Variants in RGS6 observed in about 807,000 individuals in gnomAD.
RGS6 encodes the protein regulator of G protein signaling 6, also known as regulator of G-protein signaling 6.
RGS6 carries 30 observed loss-of-function variants against 78.5 expected under a neutral mutation model. The ratio of observed to expected loss-of-function variants is 0.38; its 90% CI spans 0.29 to 0.52. The LOEUF is 0.52. RGS6 is among the 20% of genes least tolerant of loss of function. The pLI is 0.85. For missense variants in RGS6, 495 were observed against 609.7 expected, an observed-to-expected ratio of 0.81 and a Z score of 1.98; for synonymous variants, 206 against 206.0, an observed-to-expected ratio of 1.00 and a Z score of 0.00.
At chr14:72,580,029 C>T in the RGS6 span, among the ~76,000 whole-genome samples, 1 of 152,234 alleles carries the variant, frequency 6.6e-6, no homozygotes, top group Non-Finnish European at 1.5e-5. Flanking sequence ...CACCTAGCCT[C>T]TTAAATTGGA....
intron 17 of RGS6, chr14:72,541,493 G>C: frequency 6.5e-7 from 1 of 1,535,672 alleles, no homozygotes; most frequent in East Asian, 2.4e-5. Context: ...CAAGGCCTGC[G>C]GGTGCCTGGT....
chr14:72,538,229 G>A (rs187880009), intron 16 of RGS6, among the ~76,000 whole-genome samples: 6 of 152,300 alleles, frequency 3.9e-5, no homozygotes, highest in South Asian at 2.1e-4. Flanking sequence ...CGGGTTCACC[G>A]TATCCAGGTC....
chr14:72,445,688 A>G (rs139426484), intron 3 of RGS6, among the ~76,000 whole-genome samples: 65 of 152,358 alleles, frequency 4.3e-4, no homozygotes, highest in African/African-American at 1.5e-3. Flanking sequence ...GAATACAACT[A>G]TCAACGAATA....
chr14:72,066,882 A>G (rs1307929306), intron 2 of RGS6, among the ~76,000 whole-genome samples: 2 of 150,802 alleles, frequency 1.3e-5, no homozygotes, highest in Admixed American at 6.6e-5. Context: ...CTGTGGCTCC[A>G]AAGTCCCTTA....
chr14:72,032,459 A>T (rs1345021063), intron 2 of RGS6, among the ~76,000 whole-genome samples: 3 of 152,176 alleles, frequency 2.0e-5, no homozygotes, highest in Admixed American at 2.0e-4. Flanking sequence ...GGTTTTTGTT[A>T]TTGTGATAAA....
At chr14:72,137,590 C>A (rs778949013) in intron 2 of RGS6, among the ~76,000 whole-genome samples, 2 of 152,236 alleles carry the variant, frequency 1.3e-5, no homozygotes, top group African/African-American at 2.4e-5. Flanking sequence ...GAGTGGCTCA[C>A]AGAACTCAGG....
At chr14:72,505,475 C>T (rs936272933) in intron 13 of RGS6, among the ~76,000 whole-genome samples, 13 of 152,208 alleles carry the variant, frequency 8.5e-5, no homozygotes, top group African/African-American at 2.4e-4. Flanking sequence ...CCTCCTAATA[C>T]GATCACATTG....
chr14:72,487,525 G>A (rs1368393774), intron 12 of RGS6, among the ~76,000 whole-genome samples: 3 of 152,184 alleles, frequency 2.0e-5, no homozygotes, highest in Non-Finnish European at 4.4e-5. Context: ...TTGCCCAGAT[G>A]GGCCCAGCAT....
At chr14:72,345,224 G>A (rs367673950) in intron 2 of RGS6, among the ~76,000 whole-genome samples, 6 of 152,186 alleles carry the variant, frequency 3.9e-5, no homozygotes, top group African/African-American at 1.4e-4. Flanking sequence ...GCAACCACAA[G>A]GGAAAGACCA....
At chr14:72,049,447 G>C (rs1379273223) in intron 2 of RGS6, among the ~76,000 whole-genome samples, 1 of 152,156 alleles carries the variant, frequency 6.6e-6, no homozygotes, top group Non-Finnish European at 1.5e-5. Context: ...GCAAAATGGT[G>C]CAAGTCTCTC....
intron 2 of RGS6, among the ~76,000 whole-genome samples, chr14:72,153,520 C>T (rs1044002447): frequency 6.6e-6 from 1 of 152,178 alleles, no homozygotes; most frequent in African/African-American, 2.4e-5. Flanking sequence ...ATTGGGGGAA[C>T]CTGCCCCCAG....
chr14:72,574,832 T>A, the RGS6 span, among the ~76,000 whole-genome samples: 1 of 151,372 alleles, frequency 6.6e-6, no homozygotes, highest in Non-Finnish European at 1.5e-5. Flanking sequence ...GGGACTGGAG[T>A]GGGCACAGAG....
intron 3 of RGS6, among the ~76,000 whole-genome samples, chr14:72,402,568 C>T (rs1352555775): frequency 6.6e-6 from 1 of 151,908 alleles, no homozygotes; most frequent in African/African-American, 2.4e-5. Context: ...TATCTCACCC[C>T]AGTTAGAACG....
rs538554697 is a variant in RGS6 at position 72,065,889 on chromosome 14, A to G, written c.84+101014A>G. ...TGCACCCACTAACTCATCATCTAGC[A>G]TTAGGTATATCTCCCGATGCTATCC... On this transcript the variant is annotated intron_variant, in intron 2 of 17. Coordinates refer to ENST00000553525, the MANE Select transcript of RGS6 (RefSeq NM_001204424.2). 7.2e-3 allele frequency among the ~76,000 whole-genome samples: 1,091 copies of G among 151,938 alleles called. 6 individuals are homozygous for G. The highest frequency in any genetic ancestry group is 0.012 in the Non-Finnish European group (820 of 67,980).
intron 3 of RGS6, among the ~76,000 whole-genome samples, chr14:72,416,323 G>A (rs1041349427): frequency 1.3e-5 from 2 of 152,210 alleles, no homozygotes; most frequent in African/African-American, 4.8e-5. Context: ...CTTGAGCCCT[G>A]ACAAAAGTTA....
At chr14:72,031,876 A>G (rs910802118) in intron 2 of RGS6, among the ~76,000 whole-genome samples, 6 of 152,200 alleles carry the variant, frequency 3.9e-5, no homozygotes, top group Non-Finnish European at 8.8e-5. Flanking sequence ...ATACTCCAAT[A>G]AATGCCTATG....
chr14:72,454,109 C>T (rs566766660), intron 3 of RGS6, among the ~76,000 whole-genome samples: 1 of 152,276 alleles, frequency 6.6e-6, no homozygotes, highest in South Asian at 2.1e-4. Flanking sequence ...TAGGCCTGTG[C>T]CGGAAGAGAT....
intron 2 of RGS6, among the ~76,000 whole-genome samples, chr14:72,036,200 ATATTATTATTAT>A (rs3053081): frequency 6.8e-6 from 1 of 146,800 alleles, no homozygotes; most frequent in Non-Finnish European, 1.5e-5. Context: ...GCATGTAAAC[ATATTATTATTAT>A]TATTATTATT....
chr14:72,164,396 C>T (rs537552182), intron 2 of RGS6, among the ~76,000 whole-genome samples: 4 of 152,230 alleles, frequency 2.6e-5, no homozygotes, highest in Non-Finnish European at 4.4e-5. Flanking sequence ...TAGATGTTCA[C>T]GGCAGCCCTG....
Sources: gnomAD v4.1 joint callset for allele counts (sites outside exome capture counted in the v4.1 genomes callset) on GRCh38, gnomAD v4.1.1 for gene constraint, MANE v1.5 for transcripts, NCBI Gene and HGNC (gene_info 2026-07-23, HGNC 2026-07-21) for gene names.